The following CNTNAP5 variants were observed in gnomAD, a reference collection of about 807,000 sequenced individuals.
The protein encoded by CNTNAP5 is contactin associated protein family member 5, also known as contactin-associated protein-like 5.
CNTNAP5 carries 72 observed loss-of-function variants against 150.2 expected under a neutral mutation model. The observed-to-expected ratio is 0.48, with a 90% CI of 0.40 to 0.58. The LOEUF is 0.58. Among genes scored for constraint, CNTNAP5 ranks in the 20% least tolerant of loss-of-function variants. CNTNAP5 has a pLI of 0.00. For missense variants in CNTNAP5, 1,636 were observed against 1,626.2 expected (o/e 1.01, Z -0.10); for synonymous variants, 672 against 619.8 (o/e 1.08, Z -1.25).
At chr2:124,753,375 G>T (rs892506393) in intron 14 of CNTNAP5, among the ~76,000 whole-genome samples, 1 of 152,172 alleles carries the variant, frequency 6.6e-6, no homozygotes, top group Non-Finnish European at 1.5e-5. Context: ...ATGGATGAAT[G>T]ATTTCTGTTA....
At chr2:124,143,924 G>T (rs1684181531) in intron 1 of CNTNAP5, among the ~76,000 whole-genome samples, 1 of 142,710 alleles carries the variant, frequency 7.0e-6, no homozygotes, top group Admixed American at 7.1e-5. Flanking sequence ...TCCTTAAGCT[G>T]ATAAGCAACT....
At chr2:124,214,983 G>T (rs1302131358) in intron 1 of CNTNAP5, among the ~76,000 whole-genome samples, 1 of 152,154 alleles carries the variant, frequency 6.6e-6, no homozygotes, top group Non-Finnish European at 1.5e-5. Context: ...TCATCGTGAA[G>T]AATGGGGGCA....
chr2:124,316,835 GAAAAA>G (rs1219339776), intron 3 of CNTNAP5, among the ~76,000 whole-genome samples: 196 of 130,556 alleles, frequency 1.5e-3, no homozygotes, highest in Non-Finnish European at 2.6e-3. Context: ...AAAAGAAAAA[GAAAAA>G]AAAGAAAAGA....
At chr2:124,890,823 G>A (rs1678178462) in intron 21 of CNTNAP5, among the ~76,000 whole-genome samples, 1 of 152,090 alleles carries the variant, frequency 6.6e-6, no homozygotes, top group Admixed American at 6.6e-5. Context: ...AATTAGAACA[G>A]CCTTAGTCAT....
chr2:124,873,209 G>A (rs1384253542), intron 21 of CNTNAP5, among the ~76,000 whole-genome samples: 1 of 152,024 alleles, frequency 6.6e-6, no homozygotes, highest in African/African-American at 2.4e-5. Flanking sequence ...GAAGAGCGAG[G>A]AGGAAGGTGC....
intron 21 of CNTNAP5, 21 bp downstream of exon 21, chr2:124,869,783 C>T: frequency 7.1e-7 from 1 of 1,408,246 alleles, no homozygotes; most frequent in Non-Finnish European, 1.0e-6. Flanking sequence ...CTAGTTCATA[C>T]CTTTCCAGTG....
At position 124,653,902 on chromosome 2, in the gene CNTNAP5, C is replaced by T. The variant is rs368170037; in HGVS notation, c.2077+5944C>T. On this transcript the variant is annotated intron_variant, in intron 13 of 23. Transcript: ENST00000682447. ...TAGGGAAGACAGAAACATGCCCCCA[C>T]TGCCCCCAACCCCCCCCCCCCGCCA... is the stretch of plus-strand genomic sequence containing the variant. Among the ~76,000 whole-genome samples the T allele has an allele frequency of 1.5e-3, 177 of 121,360 alleles. 4 individuals are homozygous for T. The highest frequency in any genetic ancestry group is 5.5e-3 in the African/African-American group (165 of 29,944). The allele number at this position is 121,360 out of a possible 152,430, so 79.6% of individuals were successfully genotyped here.
At chr2:124,880,695 T>G (rs1374391981) in intron 21 of CNTNAP5, among the ~76,000 whole-genome samples, 1 of 152,050 alleles carries the variant, frequency 6.6e-6, no homozygotes, top group African/African-American at 2.4e-5. Context: ...TATGAAAACT[T>G]TAAAGAAGTA....
chr2:124,904,290 G>A (rs187117122), intron 22 of CNTNAP5, among the ~76,000 whole-genome samples: 1 of 152,150 alleles, frequency 6.6e-6, no homozygotes, highest in East Asian at 1.9e-4. Context: ...TTATTCCATA[G>A]TGTCACAAAT....
intron 8 of CNTNAP5, among the ~76,000 whole-genome samples, chr2:124,505,501 A>G (rs1283743841): frequency 6.6e-6 from 1 of 152,226 alleles, no homozygotes; most frequent in Non-Finnish European, 1.5e-5. Flanking sequence ...AGTAAATGCT[A>G]GTACATATGA....
chr2:124,798,377 C>A, intron 19 of CNTNAP5, 57 bp downstream of exon 19: 1 of 1,244,744 alleles, frequency 8.0e-7, no homozygotes, highest in Non-Finnish European at 1.2e-6. Context: ...AGGGACGGTG[C>A]ATGCCCTCCA....
intron 1 of CNTNAP5, among the ~76,000 whole-genome samples, chr2:124,047,772 G>A (rs188555466): frequency 8.4e-4 from 128 of 152,196 alleles, no homozygotes; most frequent in Non-Finnish European, 1.6e-3. Flanking sequence ...CAGCTCTATC[G>A]TTCCTTGCAC....
In CNTNAP5 at chr2:124,790,117, T is replaced by C. The variant is rs1681693184; in HGVS notation, c.2968T>C (p.Tyr990His). The C allele has an allele frequency of 1.9e-6, 3 of 1,613,734 alleles. No individual in the cohort carries two copies. Among genetic ancestry groups the C allele is most frequent in the Non-Finnish European group, 2.5e-6 (3 of 1,179,752 alleles). ...GYLCDCTNSP[Y>H]EGPFCKKEVS... ...CCTGTGTGATTGCACCAATTCACCT[T>C]ATGAAGGGCCCTTTTGCAAAAAAGG... Residue 990 changes from tyrosine to histidine, a missense_variant, in exon 18 of 24, where the codon TAT (tyrosine) becomes CAT (histidine). Coordinates refer to ENST00000682447, the MANE Select transcript of CNTNAP5 (RefSeq NM_001367498.1).
At chr2:124,686,414 T>C (rs1226292832) in intron 13 of CNTNAP5, among the ~76,000 whole-genome samples, 1 of 151,990 alleles carries the variant, frequency 6.6e-6, no homozygotes, top group African/African-American at 2.4e-5. Context: ...ACTGAAGGGG[T>C]AGGAGGATAC....
At chr2:124,356,271 G>T (rs1325715067) in intron 3 of CNTNAP5, among the ~76,000 whole-genome samples, 1 of 150,236 alleles carries the variant, frequency 6.7e-6, no homozygotes, top group South Asian at 2.1e-4. Flanking sequence ...TTAGAAATAT[G>T]CTTTGACAGA....
chr2:124,789,759 C>A, intron 17 of CNTNAP5, 143 bp from the exon 18 acceptor site: 1 of 711,438 alleles, frequency 1.4e-6, no homozygotes, highest in South Asian at 2.2e-5. Context: ...AATTCCAACT[C>A]TCACTGAAAC....
In CNTNAP5 at chr2:124,474,890, A is replaced by C; in HGVS notation, c.1062+8A>C. ...CATCAGATCTATACTGTGGTAAGTC[A>C]GCCCATCTGTTTTGTCTTGATGGTT... On this transcript the variant is annotated splice_region_variant and intron_variant, in intron 7 of 23. Coordinates refer to ENST00000682447, the MANE Select transcript of CNTNAP5 (RefSeq NM_001367498.1). 6.3e-7 allele frequency: 1 copy of C among 1,592,154 alleles called. No homozygotes were observed. The highest frequency in any genetic ancestry group is 8.5e-7 in the Non-Finnish European group (1 of 1,173,320).
chr2:124,488,367 G>A (rs987605477), intron 7 of CNTNAP5, among the ~76,000 whole-genome samples: 3 of 152,100 alleles, frequency 2.0e-5, no homozygotes, highest in African/African-American at 7.2e-5. Context: ...ACCTTATAAA[G>A]TGGATAGCTC....
chr2:124,066,757 G>GA (rs1247192333), intron 1 of CNTNAP5, among the ~76,000 whole-genome samples: 2 of 152,066 alleles, frequency 1.3e-5, no homozygotes, highest in African/African-American at 4.8e-5. Flanking sequence ...ACTACCTATG[G>GA]AAAACTATGA....
Sources: allele counts gnomAD v4.1 joint callset (sites outside exome capture counted in the v4.1 genomes callset), GRCh38; gene constraint gnomAD v4.1.1; transcripts MANE v1.5; gene names NCBI Gene and HGNC (gene_info 2026-07-23, HGNC 2026-07-21).